Variants in RUNDC3B observed in about 807,000 individuals in gnomAD.
RUNDC3B encodes RUN domain-containing protein 3B.
A neutral mutation model predicts 58.4 loss-of-function variants in RUNDC3B; 33 were observed. That is an observed-to-expected ratio of 0.56 (90% confidence interval 0.43 to 0.75). The LOEUF (loss-of-function observed/expected upper bound fraction) is 0.75. Ranked by LOEUF, RUNDC3B falls within the 30% of genes least tolerant of loss-of-function variation. RUNDC3B has a pLI of 0.00. For missense variants in RUNDC3B, 501 were observed against 535.7 expected (o/e 0.94, Z 0.64); for synonymous variants, 193 against 195.2 (o/e 0.99, Z 0.10).
chr7:87,742,880 G>A lies in RUNDC3B; in HGVS notation c.629+1301G>A, dbSNP rs188650811. On this transcript the variant is annotated intron_variant, in intron 6 of 10. Coordinates refer to ENST00000394654, the MANE Select transcript of RUNDC3B (RefSeq NM_001134405.2). ...TGTAATCCTAGCACTTTGGGAGGCC[G>A]AGGTGGGCGGATCACGAGGTCAGGA... Among the ~76,000 whole-genome samples the A allele has an allele frequency of 7.9e-5, 12 of 152,148 alleles. No individual in the cohort carries two copies. The East Asian group carries it at 9.7e-4, about 12-fold the overall frequency.
At chr7:87,675,429 A>G (rs1020631035) in intron 2 of RUNDC3B, among the ~76,000 whole-genome samples, 1 of 152,224 alleles carries the variant, frequency 6.6e-6, no homozygotes, top group African/African-American at 2.4e-5. Context: ...AGCTGAAGGC[A>G]TTATGCTTCC....
At chr7:87,739,764 T>C (rs1181305384) in intron 4 of RUNDC3B, 27 bp from the exon 5 acceptor site, 8 of 1,089,688 alleles carry the variant, frequency 7.3e-6, no homozygotes, top group Non-Finnish European at 1.1e-5. Flanking sequence ...TTTAATATTT[T>C]ATATATTCAC....
intron 4 of RUNDC3B, among the ~76,000 whole-genome samples, chr7:87,729,956 A>T (rs1831480111): frequency 6.6e-6 from 1 of 152,172 alleles, no homozygotes; most frequent in Non-Finnish European, 1.5e-5. Flanking sequence ...CTCCTGGTTG[A>T]CATTTCTAGA....
At chr7:87,663,333 C>T (rs1359571322) in intron 2 of RUNDC3B, among the ~76,000 whole-genome samples, 1 of 152,036 alleles carries the variant, frequency 6.6e-6, no homozygotes, top group Non-Finnish European at 1.5e-5. Flanking sequence ...TACCCATTGA[C>T]GCTATTAACT....
Position 87,739,870 on chromosome 7 carries a change from A to G in RUNDC3B, c.538A>G (p.Ile180Val), listed in dbSNP as rs780119410. 1.7e-5 allele frequency: 26 copies of G among 1,547,686 alleles called. No homozygotes were observed. The highest frequency in any genetic ancestry group is 9.5e-5 in the African/African-American group (7 of 73,832). The change falls in exon 5 of 11, where the codon ATT becomes GTT. Residue 180 changes from isoleucine (I) to valine (V), a missense_variant. Transcript: ENST00000394654. The stretch of plus-strand genomic sequence containing the variant: ...TGGCATGCTTCTAGGACTCAATGCT[A>G]TTGATTTCAGGTACTTAACCAAATG... ...LAGMLLGLNA[I>V]DFSFCLKGEG...
At chr7:87,730,876 CTTTG>C (rs1159002788) in intron 4 of RUNDC3B, among the ~76,000 whole-genome samples, 11 of 152,036 alleles carry the variant, frequency 7.2e-5, no homozygotes, top group Admixed American at 3.9e-4. Flanking sequence ...GAGACAGACA[CTTTG>C]TTTGGTTGGG....
At chr7:87,760,641 C>T (rs1305666759) in intron 6 of RUNDC3B, among the ~76,000 whole-genome samples, 1 of 151,952 alleles carries the variant, frequency 6.6e-6, no homozygotes, top group Non-Finnish European at 1.5e-5. Flanking sequence ...TACAAATCAA[C>T]AGAATTAAAT....
Position 87,758,698 on chromosome 7 carries a change from A to G in RUNDC3B, c.630-11883A>G, listed in dbSNP as rs1031607980. 7.2e-5 allele frequency among the ~76,000 whole-genome samples: 11 copies of G among 152,358 alleles called. No individual in the cohort carries two copies. The East Asian group carries it at 1.9e-3, about 27-fold the overall frequency. On this transcript the variant is annotated intron_variant, in intron 6 of 10. Transcript: ENST00000394654. ...AAATGGACATTTCTCAAGAGGAGAC[A>G]TACAAATGGTTAACAGGTACGTGAA...
intron 6 of RUNDC3B, among the ~76,000 whole-genome samples, chr7:87,757,523 A>T (rs533462620): frequency 6.6e-6 from 1 of 152,302 alleles, no homozygotes; most frequent in Admixed American, 6.5e-5. Context: ...TGATGAAAGA[A>T]ATTGAATACC....
intron 5 of RUNDC3B, among the ~76,000 whole-genome samples, chr7:87,740,888 G>C (rs1832278916): frequency 6.6e-6 from 1 of 152,008 alleles, no homozygotes; most frequent in Middle Eastern, 3.2e-3. Flanking sequence ...GTCTTGTTTT[G>C]TTTGTTTGTT....
At chr7:87,653,359 A>G (rs548046288) in intron 2 of RUNDC3B, among the ~76,000 whole-genome samples, 1 of 152,138 alleles carries the variant, frequency 6.6e-6, no homozygotes, top group Non-Finnish European at 1.5e-5. Flanking sequence ...GAAGTTAGGC[A>G]TTTTGCCTGC....
intron 7 of RUNDC3B, among the ~76,000 whole-genome samples, chr7:87,771,506 A>T (rs1159169145): frequency 2.0e-5 from 3 of 152,218 alleles, no homozygotes; most frequent in African/African-American, 4.8e-5. Context: ...TCAGACTAAG[A>T]TAATCTGAAA....
At position 87,743,897 on chromosome 7, in the gene RUNDC3B, T is replaced by A. The variant is rs1219694111; in HGVS notation, c.629+2318T>A. ...CATGAAATCCTTGCCTAAGCCAATA[T>A]CTAGAAGGGTTTTTCCAAAGTTATC... On this transcript the variant is annotated intron_variant, in intron 6 of 10. Transcript: ENST00000394654. Among the ~76,000 whole-genome samples the A allele has an allele frequency of 4.6e-5, 7 of 152,332 alleles. No individual in the cohort carries two copies. The East Asian group carries it at 1.3e-3, about 29-fold the overall frequency.
At chr7:87,657,076 T>G (rs1189295623) in intron 2 of RUNDC3B, among the ~76,000 whole-genome samples, 1 of 152,076 alleles carries the variant, frequency 6.6e-6, no homozygotes, top group Non-Finnish European at 1.5e-5. Context: ...TTTCTCTCAC[T>G]AAGTACAATA....
chr7:87,711,158 C>G (rs1444613104), intron 4 of RUNDC3B, among the ~76,000 whole-genome samples: 1 of 151,938 alleles, frequency 6.6e-6, no homozygotes, highest in Non-Finnish European at 1.5e-5. Context: ...TAAACCCCGT[C>G]TCTACTCAAA....
At chr7:87,702,156 A>C (rs1382224345) in intron 3 of RUNDC3B, among the ~76,000 whole-genome samples, 1 of 149,790 alleles carries the variant, frequency 6.7e-6, no homozygotes, top group Non-Finnish European at 1.5e-5. Flanking sequence ...AAAAAAAAAA[A>C]AAAAAAAAAA....
intron 2 of RUNDC3B, among the ~76,000 whole-genome samples, chr7:87,654,664 G>A (rs1823905289): frequency 1.3e-5 from 2 of 152,162 alleles, no homozygotes; most frequent in African/African-American, 4.8e-5. Flanking sequence ...ACATTGGTCT[G>A]GGTGATGACA....
rs528293800 is a variant in RUNDC3B at position 87,629,012 on chromosome 7, G to A, written c.122+67G>A. ...GCTGAGAGCTCTGGGCTTCCGCGCG[G>A]GTCCTTGGGGGTCCCGGGCATGATG... On this transcript the variant is annotated intron_variant, in intron 1 of 10. Transcript: ENST00000394654. The A allele has an allele frequency of 2.9e-5, 36 of 1,262,532 alleles. No individual in the cohort carries two copies. In the African/African-American group the frequency reaches 5.0e-4, roughly 18 times the overall value. The allele number at this position is 1,262,532 out of a possible 1,614,324, so 78.2% of individuals were successfully genotyped here. A position where few individuals can be genotyped will look rare whatever the true frequency, so the allele number is the denominator to read the frequency against.
chr7:87,691,382 CTA>C (rs1487393586), intron 2 of RUNDC3B, among the ~76,000 whole-genome samples: 1 of 152,062 alleles, frequency 6.6e-6, no homozygotes, highest in Admixed American at 6.6e-5. Flanking sequence ...CCTGAAATAA[CTA>C]TATGGTATAA....
Sources: allele counts gnomAD v4.1 joint callset (sites outside exome capture counted in the v4.1 genomes callset), GRCh38; gene constraint gnomAD v4.1.1; transcripts MANE v1.5; gene names NCBI Gene and HGNC (gene_info 2026-07-23, HGNC 2026-07-21).